PCDHA2: variants seen among roughly 807,000 people sequenced by gnomAD.
PCDHA2 encodes protocadherin alpha 2.
In PCDHA2, 58 loss-of-function variants were observed where a neutral mutation model predicts 66.0. The ratio of observed to expected loss-of-function variants is 0.88; its 90% CI spans 0.71 to 1.09. The LOEUF is 1.09. PCDHA2 is among the 50% of genes least tolerant of loss of function. PCDHA2 has a pLI of 0.00. For synonymous variants in PCDHA2, 634 were observed against 554.0 expected, an observed-to-expected ratio of 1.14 and a Z score of -2.03; for missense variants, 1,267 against 1,242.3, an observed-to-expected ratio of 1.02 and a Z score of -0.30.
chr5:140,841,857 T>C, intron 1 of PCDHA2: 3 of 1,613,860 alleles, frequency 1.9e-6, no homozygotes, highest in South Asian at 1.1e-5. Context: ...GATTACTTCA[T>C]GCTAGATGTG....
intron 1 of PCDHA2, chr5:140,866,668 AT>A (rs2049485821): frequency 1.3e-5 from 2 of 152,156 alleles, no homozygotes; most frequent in African/African-American, 2.4e-5. Flanking sequence ...TCAAGAAATA[AT>A]AGCACTAGGT....
At chr5:140,860,393 A>C (rs1463611060) in intron 1 of PCDHA2, 1 of 152,136 alleles carries the variant, frequency 6.6e-6, no homozygotes, top group Non-Finnish European at 1.5e-5. Flanking sequence ...AAATTGAAAA[A>C]AGCAAAAGCA....
intron 1 of PCDHA2, among the ~76,000 whole-genome samples, chr5:140,922,192 T>A (rs1279791359): frequency 6.6e-6 from 1 of 152,158 alleles, no homozygotes; most frequent in East Asian, 1.9e-4. Context: ...AAAAGTCTTA[T>A]CTTTAATGAA....
rs368800927 is a variant in PCDHA2 at position 140,796,242 on chromosome 5, C to G, written c.1278C>G (p.Thr426=). Residue 426 remains threonine, a synonymous_variant, in exon 1 of 4, where the codon ACC becomes ACG. Coordinates refer to ENST00000526136, the MANE Select transcript of PCDHA2 (RefSeq NM_018905.3). ...TGTCAGCCTATGAGCTGGTGGTGAC[C>G]GCACGGGACGGGGGCTCGCCTTCAC... The part of the protein sequence containing the change: ...ESVSAYELVV[T]ARDGGSPSLW... The G allele has an allele frequency of 1.9e-6, 3 of 1,614,150 alleles. No homozygotes were observed. Among genetic ancestry groups the G allele is most frequent in the South Asian group, 2.2e-5 (2 of 91,080 alleles).
chr5:140,843,626 C>T, intron 1 of PCDHA2: 1 of 1,596,058 alleles, frequency 6.3e-7, no homozygotes, highest in East Asian at 2.2e-5. Context: ...GAAGACGGAC[C>T]TCATGGCCTT....
chr5:140,815,739 C>T (rs1177563989), intron 1 of PCDHA2: 1 of 152,090 alleles, frequency 6.6e-6, no homozygotes, highest in Non-Finnish European at 1.5e-5. Flanking sequence ...TCAAAAGGCC[C>T]CCTCTTAACA....
intron 1 of PCDHA2, chr5:140,808,547 G>C (rs782172662): frequency 6.2e-7 from 1 of 1,614,130 alleles, no homozygotes; most frequent in South Asian, 1.1e-5. Flanking sequence ...CAACGCTCCG[G>C]CGTTCGCGCA....
At chr5:141,003,502 G>C (rs1384211644) in intron 3 of PCDHA2, among the ~76,000 whole-genome samples, 3 of 151,992 alleles carry the variant, frequency 2.0e-5, no homozygotes, top group African/African-American at 2.4e-5. Context: ...TAGTAGAGAT[G>C]GGGTTTCACC....
Position 140,795,136 on chromosome 5 carries a change from G to T in PCDHA2, c.172G>T (p.Glu58Ter). The T allele has an allele frequency of 2.5e-6, 4 of 1,614,088 alleles. No homozygotes were observed. The highest frequency in any genetic ancestry group is 2.5e-6 in the Non-Finnish European group (3 of 1,180,038). ...IAQDLGLELE[E>*]LVPRLFRVAS... ...GCAGGACCTGGGGCTGGAGCTGGAG[G>T]AGCTGGTGCCGCGCCTGTTCCGGGT... The change falls in exon 1 of 4, where the codon GAG becomes TAG. Residue 58 changes from glutamate to a stop codon, truncating the protein, a stop_gained. Coordinates refer to ENST00000526136, the MANE Select transcript of PCDHA2 (RefSeq NM_018905.3). LOFTEE classifies it high-confidence loss of function.
chr5:140,826,786 A>G (rs1293254665), intron 1 of PCDHA2, among the ~76,000 whole-genome samples: 1 of 152,198 alleles, frequency 6.6e-6, no homozygotes, highest in Admixed American at 6.5e-5. Flanking sequence ...AATAACCTGC[A>G]AAAAGTTGAT....
chr5:140,795,586 G>A lies in PCDHA2; in HGVS notation c.622G>A (p.Val208Ile). 1 of 1,614,206 alleles carries A rather than the reference G, an allele frequency of 6.2e-7. No individual in the cohort carries two copies. The highest frequency in any genetic ancestry group is 1.3e-5 in the African/African-American group (1 of 75,044). The change falls in exon 1 of 4, where the codon GTT becomes ATT. Residue 208 changes from valine to isoleucine, a missense_variant. Physicochemically the swap from Val to Ile is conservative, Grantham distance 29 (BLOSUM62 3). Transcript: ENST00000526136. ...GCTGGACAGAGAGGAAACTGCTGAG[G>A]TTAATTTGTTACTGGTGGCTACTGA... Reference protein sequence around the residue: ...KSLDREETAEVNLLLVATDGG... With the variant: ...KSLDREETAEINLLLVATDGG...
chr5:140,890,294 G>A (rs1554184246), intron 1 of PCDHA2, among the ~76,000 whole-genome samples: 1 of 152,132 alleles, frequency 6.6e-6, no homozygotes, highest in Non-Finnish European at 1.5e-5. Flanking sequence ...GTCAGAACCA[G>A]GAGAGGTAAT....
rs782357436 is a variant in PCDHA2, at chr5:140,876,751, G to T, written c.2388+79399G>T. On this transcript the variant is annotated intron_variant, in intron 1 of 3. Transcript: ENST00000526136. ...GTCGGCCTATGAGCTGGTGGTGACTGCGCGGGATGGGGGCTCGCCTTCGCT... is the reference window on the plus strand; with the variant it reads ...GTCGGCCTATGAGCTGGTGGTGACTTCGCGGGATGGGGGCTCGCCTTCGCT... 2.5e-6 allele frequency: 4 copies of T among 1,614,258 alleles called. No individual in the cohort carries two copies. The Admixed American group carries it at 6.7e-5, about 27-fold the overall frequency.
chr5:140,873,432 T>A (rs992972839), intron 1 of PCDHA2, among the ~76,000 whole-genome samples: 5 of 152,212 alleles, frequency 3.3e-5, no homozygotes, highest in African/African-American at 7.2e-5. Flanking sequence ...TTATTTTATA[T>A]CACATAAATA....
intron 1 of PCDHA2, chr5:140,841,205 T>G (rs1319319145): frequency 1.5e-6 from 2 of 1,339,602 alleles, no homozygotes; most frequent in African/African-American, 3.0e-5. Context: ...TGACAGCATC[T>G]GTCTCTAAAG....
rs2098419434 is a variant in PCDHA2, at chr5:141,011,100, CT to C, written c.*1164del. ...AAATGATCTCTCTTTCTCTCTCTCT[CT>C]CTCTTTTCTAAGAAACAATTATGTG... On this transcript the variant is annotated 3_prime_UTR_variant, in exon 4 of 4. Coordinates refer to ENST00000526136, the MANE Select transcript of PCDHA2 (RefSeq NM_018905.3). The C allele has an allele frequency of 1.3e-5, 2 of 153,772 alleles. No individual in the cohort carries two copies. Among genetic ancestry groups the C allele is most frequent in the Admixed American group, 6.5e-5 (1 of 15,290 alleles). The allele number at this position is 153,772 out of a possible 1,614,324, so 9.5% of individuals were successfully genotyped here.
intron 3 of PCDHA2, 39 bp from the exon 4 acceptor site, chr5:141,009,588 G>A: frequency 6.3e-7 from 1 of 1,598,586 alleles, no homozygotes; most frequent in Non-Finnish European, 8.5e-7. Context: ...AAGAGCATGT[G>A]TTGACCCTGT....
At chr5:140,856,280 C>T in intron 1 of PCDHA2, 1 of 1,598,442 alleles carries the variant, frequency 6.3e-7, no homozygotes, top group Non-Finnish European at 8.6e-7. Context: ...GGAGGTAAAT[C>T]TGCAGAATGG....
intron 1 of PCDHA2, chr5:140,803,786 T>C (rs1763280882): frequency 1.2e-6 from 1 of 862,140 alleles, no homozygotes; most frequent in African/African-American, 1.7e-5. Flanking sequence ...CAGTAAGTTA[T>C]GATATCCACA....
Sources: gnomAD v4.1 joint callset for allele counts (sites outside exome capture counted in the v4.1 genomes callset) on GRCh38, gnomAD v4.1.1 for gene constraint, MANE v1.5 for transcripts, NCBI Gene and HGNC (gene_info 2026-07-23, HGNC 2026-07-21) for gene names.